BCO2: variants seen among roughly 807,000 people sequenced by gnomAD.
BCO2 encodes beta-carotene oxygenase 2, also known as carotenoid-cleaving dioxygenase, mitochondrial.
A neutral mutation model predicts 65.8 loss-of-function variants in BCO2; 56 were observed. That is an observed-to-expected ratio of 0.85 (90% CI 0.69 to 1.06). BCO2 has a LOEUF of 1.06. BCO2 is among the 50% of genes least tolerant of loss of function. The probability of loss-of-function intolerance (pLI) is 0.00; values close to 1 mark genes in which losing one functional copy is unlikely to be tolerated. For synonymous variants in BCO2, 233 were observed against 242.3 expected, an observed-to-expected ratio of 0.96 and a Z score of 0.36; for missense variants, 675 against 698.5, an observed-to-expected ratio of 0.97 and a Z score of 0.38.
intron 11 of BCO2, among the ~76,000 whole-genome samples, chr11:112,216,748 T>A (rs1859688625): frequency 6.6e-6 from 1 of 152,220 alleles, no homozygotes; most frequent in Admixed American, 6.5e-5. Context: ...CCAATTTCAA[T>A]GAACTGACCT....
intron 5 of BCO2, among the ~76,000 whole-genome samples, chr11:112,198,858 C>CT (rs34582291): frequency 0.13 from 18,542 of 145,274 alleles, 1,335 homozygotes; most frequent in East Asian, 0.38. Flanking sequence ...TGGCTGCTAT[C>CT]TTTTTTTTTT....
At chr11:112,191,640 C>A (rs1317588894) in intron 2 of BCO2, among the ~76,000 whole-genome samples, 1 of 152,010 alleles carries the variant, frequency 6.6e-6, no homozygotes, top group Admixed American at 6.6e-5. Context: ...TCATATAGCA[C>A]AATAAATATG....
At chr11:112,209,750 A>T (rs180694783) in intron 8 of BCO2, among the ~76,000 whole-genome samples, 117 of 152,326 alleles carry the variant, frequency 7.7e-4, no homozygotes, top group African/African-American at 2.7e-3. Context: ...AAATGTTCAT[A>T]ACAGCCATTG....
chr11:112,217,107 G>T (rs1859701293), intron 11 of BCO2, among the ~76,000 whole-genome samples: 1 of 152,202 alleles, frequency 6.6e-6, no homozygotes, highest in African/African-American at 2.4e-5. Context: ...TTGGAAGAAA[G>T]AGTTTCTGTC....
In BCO2 at chr11:112,179,293, T is replaced by C. The variant is rs761583930; in HGVS notation, c.104T>C (p.Met35Thr). The C allele has an allele frequency of 1.9e-6, 3 of 1,614,074 alleles. No individual in the cohort carries two copies. The African/African-American group carries it at 4.0e-5, about 22-fold the overall frequency. ...VHRLPVFKRYMGNTPQKKAVF... is the reference protein window; with the variant it reads ...VHRLPVFKRYTGNTPQKKAVF... ...CTCTGCACAGTTTTCAAAAGGTACA[T>C]GGGAAATACTCCTCAGAAAAAAGCC... Residue 35 changes from methionine to threonine, a missense_variant, in exon 2 of 12, where the codon ATG (methionine) becomes ACG (threonine). Met to Thr is a moderately conservative substitution (Grantham distance 81). Coordinates refer to ENST00000357685, the MANE Select transcript of BCO2 (RefSeq NM_031938.7).
intron 5 of BCO2, among the ~76,000 whole-genome samples, chr11:112,198,426 G>A (rs1303387212): frequency 1.3e-5 from 2 of 152,054 alleles, no homozygotes; most frequent in Non-Finnish European, 2.9e-5. Flanking sequence ...AGAACACTCA[G>A]AATGGTGTCT....
chr11:112,192,943 T>TTTTTTTTTTTTG (rs1555195002), intron 2 of BCO2, among the ~76,000 whole-genome samples: 32 of 129,474 alleles, frequency 2.5e-4, no homozygotes, highest in African/African-American at 9.4e-4. Context: ...TTTTTTTTTT[T>TTTTTTTTTTTTG]GACAGGGGTA....
Position 112,176,955 on chromosome 11 carries a change from T to C in BCO2, c.88+1266T>C, listed in dbSNP as rs564662611. On this transcript the variant is annotated intron_variant, in intron 1 of 11. Coordinates refer to ENST00000357685, the MANE Select transcript of BCO2 (RefSeq NM_031938.7). ...AGAAAGGAGTTTAAGAAAGTGTTAA[T>C]GTCAAATTCTATGGAAACTTTGAAG... 9.2e-5 allele frequency among the ~76,000 whole-genome samples: 14 copies of C among 152,322 alleles called. No individual in the cohort carries two copies. The South Asian group carries it at 2.9e-3, about 32-fold the overall frequency.
chr11:112,175,758 C>T (rs1409208340), intron 1 of BCO2, 69 bp downstream of exon 1: 18 of 1,381,672 alleles, frequency 1.3e-5, no homozygotes, highest in Non-Finnish European at 1.9e-5. Context: ...AATTCTGTGC[C>T]TCTTTCCTGA....
intron 2 of BCO2, 115 bp from the exon 3 acceptor site, chr11:112,193,359 T>A: frequency 1.0e-6 from 1 of 988,166 alleles, no homozygotes; most frequent in East Asian, 2.6e-5. Flanking sequence ...CAGGTTGTGC[T>A]GGGAACCTGT....
In BCO2 at chr11:112,216,333, A is replaced by G; in HGVS notation, c.1626+3A>G. ...CTGTGGTGATCACTCCCAACCAGGT[A>G]AATATATTTCCCTATCACCAGTCAG... is the stretch of plus-strand genomic sequence containing the variant. On this transcript the variant is annotated splice_donor_region_variant and intron_variant, in intron 11 of 11. Transcript: ENST00000357685. 1 of 1,606,136 alleles carries G rather than the reference A, an allele frequency of 6.2e-7. No homozygotes were observed. Among genetic ancestry groups the G allele is most frequent in the Non-Finnish European group, 8.5e-7 (1 of 1,172,774 alleles).
chr11:112,201,843 C>G (rs1867743862), intron 7 of BCO2, among the ~76,000 whole-genome samples, 180 bp from the exon 8 acceptor site: 1 of 152,134 alleles, frequency 6.6e-6, no homozygotes, highest in African/African-American at 2.4e-5. Flanking sequence ...ATGTTTAAAT[C>G]AAAGCATATT....
chr11:112,188,063 C>G (rs924150525), intron 2 of BCO2, among the ~76,000 whole-genome samples: 2 of 152,144 alleles, frequency 1.3e-5, no homozygotes, highest in South Asian at 4.2e-4. Context: ...TCTCCCACCC[C>G]GCCCCCAGCT....
intron 1 of BCO2, chr11:112,176,136 TTGGC>T (rs1384995710): frequency 6.4e-6 from 1 of 156,168 alleles, no homozygotes; most frequent in Non-Finnish European, 1.4e-5. Context: ...TGTATAGAAA[TTGGC>T]TGATCTAGAG....
In BCO2 at chr11:112,199,752, A is replaced by T. The variant is rs776873906; in HGVS notation, c.790A>T (p.Thr264Ser). Residue 264 changes from threonine (T) to serine (S), a missense_variant, in exon 6 of 12, where the codon ACA becomes TCA. Coordinates refer to ENST00000357685, the MANE Select transcript of BCO2 (RefSeq NM_031938.7). ...VPPEKVDLGE[T>S]IHGVQVICSI... ...TCCAGAGAAGGTGGACCTTGGGGAGACAATCCATGGAGTCCAGGTGATATG... is the reference window on the plus strand; with the variant it reads ...TCCAGAGAAGGTGGACCTTGGGGAGTCAATCCATGGAGTCCAGGTGATATG... The T allele has an allele frequency of 1.2e-6, 2 of 1,613,670 alleles. No homozygotes were observed. The highest frequency in any genetic ancestry group is 1.1e-5 in the South Asian group (1 of 91,072).
intron 4 of BCO2, chr11:112,194,283 T>G (rs992244602): frequency 1.2e-5 from 5 of 419,814 alleles, no homozygotes; most frequent in Non-Finnish European, 2.1e-5. Context: ...TCTTCCTAGC[T>G]ATGGTTAGTA....
chr11:112,217,370 T>C (rs1346782590), intron 11 of BCO2, among the ~76,000 whole-genome samples: 1 of 152,152 alleles, frequency 6.6e-6, no homozygotes, highest in Non-Finnish European at 1.5e-5. Context: ...CTCTCTTTTC[T>C]TTTCTTTTTA....
At chr11:112,203,289 T>C (rs1867781605) in intron 8 of BCO2, among the ~76,000 whole-genome samples, 1 of 152,348 alleles carries the variant, frequency 6.6e-6, no homozygotes, top group Non-Finnish European at 1.5e-5. Flanking sequence ...GTTTGTAAAA[T>C]AGTACTTATT....
Position 112,199,839 on chromosome 11 carries a change from G to C in BCO2, c.865+12G>C, listed in dbSNP as rs764781849. ...CTACCATAGCTTTGGTGAGTCCAGA[G>C]ATAAGGCAAATTTCAGTGGGCTCTG... On this transcript the variant is annotated intron_variant, in intron 6 of 11. Transcript: ENST00000357685. The C allele has an allele frequency of 4.0e-5, 64 of 1,613,152 alleles. No homozygotes were observed. The highest frequency in any genetic ancestry group is 4.9e-5 in the Non-Finnish European group (58 of 1,179,672).
Sources: allele counts gnomAD v4.1 joint callset (sites outside exome capture counted in the v4.1 genomes callset), GRCh38; gene constraint gnomAD v4.1.1; transcripts MANE v1.5; gene names NCBI Gene and HGNC (gene_info 2026-07-23, HGNC 2026-07-21).